Variants in ANO4 observed in about 807,000 individuals in gnomAD.
ANO4 encodes the protein anoctamin 4.
A neutral mutation model predicts 141.9 loss-of-function variants in ANO4; 69 were observed. The ratio of observed to expected loss-of-function variants is 0.49; its 90% CI spans 0.40 to 0.59. The LOEUF (loss-of-function observed/expected upper bound fraction) is 0.59. ANO4 is among the 20% of genes least tolerant of loss of function. The pLI, the probability that ANO4 is intolerant of heterozygous loss-of-function variation, is 0.00. For synonymous variants in ANO4, 350 were observed against 394.3 expected (o/e 0.89, Z 1.33); for missense variants, 894 against 1,162.2 (o/e 0.77, Z 3.36).
chr12:100,970,192 TG>T (rs1206051495), intron 5 of ANO4, among the ~76,000 whole-genome samples: 1 of 152,238 alleles, frequency 6.6e-6, no homozygotes, highest in African/African-American at 2.4e-5. Flanking sequence ...CTTTTGCTTT[TG>T]CCTGGATGAC....
chr12:100,861,053 T>G (rs1347559833), intron 1 of ANO4, among the ~76,000 whole-genome samples: 1 of 152,216 alleles, frequency 6.6e-6, no homozygotes, highest in Non-Finnish European at 1.5e-5. Context: ...GAGTTGCCGC[T>G]GCTGGCTTGG....
chr12:100,887,313 T>C (rs563998176), intron 1 of ANO4, among the ~76,000 whole-genome samples: 1 of 152,338 alleles, frequency 6.6e-6, no homozygotes, highest in Non-Finnish European at 1.5e-5. Flanking sequence ...GATTGCAGAG[T>C]ATACTTTTTC....
At chr12:101,054,329 A>G (rs1263608005) in intron 14 of ANO4, among the ~76,000 whole-genome samples, 1 of 152,222 alleles carries the variant, frequency 6.6e-6, no homozygotes, top group Non-Finnish European at 1.5e-5. Flanking sequence ...AAATGATGCC[A>G]TAATATTAAT....
chr12:101,107,841 A>G (rs2050509561), intron 22 of ANO4, among the ~76,000 whole-genome samples: 2 of 152,154 alleles, frequency 1.3e-5, no homozygotes, highest in African/African-American at 4.8e-5. Context: ...GTTTGGAGGC[A>G]AAAAAGTCAG....
intron 1 of ANO4, among the ~76,000 whole-genome samples, chr12:100,894,668 G>T (rs181055694): frequency 6.6e-6 from 1 of 152,028 alleles, no homozygotes; most frequent in Non-Finnish European, 1.5e-5. Context: ...TAAACATTTT[G>T]TCAAGTGTCC....
At chr12:100,729,746 G>A (rs1351002284) in intron 1 of ANO4, among the ~76,000 whole-genome samples, 1 of 152,124 alleles carries the variant, frequency 6.6e-6, no homozygotes, top group Non-Finnish European at 1.5e-5. Context: ...AATTCCAGTA[G>A]GTAAGAATAC....
chr12:101,096,924 G>T (rs898299954), intron 19 of ANO4, among the ~76,000 whole-genome samples: 2 of 152,270 alleles, frequency 1.3e-5, no homozygotes, highest in South Asian at 4.1e-4. Context: ...TCTGGCCTCT[G>T]TCTGCACCTG....
chr12:101,046,544 C>G (rs1373129778), intron 13 of ANO4, among the ~76,000 whole-genome samples: 2 of 152,176 alleles, frequency 1.3e-5, no homozygotes, highest in Non-Finnish European at 2.9e-5. Flanking sequence ...TCCCATCTCC[C>G]CTGAGGTTTC....
At chr12:101,054,116 T>C (rs2047993824) in intron 14 of ANO4, among the ~76,000 whole-genome samples, 1 of 152,250 alleles carries the variant, frequency 6.6e-6, no homozygotes, top group Non-Finnish European at 1.5e-5. Context: ...GCTTTAGTTA[T>C]TTATAATATG....
intron 1 of ANO4, among the ~76,000 whole-genome samples, chr12:100,861,779 G>A (rs1192195464): frequency 2.0e-5 from 3 of 152,144 alleles, no homozygotes; most frequent in Admixed American, 1.3e-4. Context: ...CATTGCACAG[G>A]TGTACAAAAG....
intron 14 of ANO4, among the ~76,000 whole-genome samples, chr12:101,067,665 A>C (rs2048647338): frequency 6.6e-6 from 1 of 152,206 alleles, no homozygotes; most frequent in African/African-American, 2.4e-5. Flanking sequence ...CCTGGGTGAC[A>C]GAGTGAGACT....
At chr12:100,734,802 A>G (rs1272387326) in intron 2 of ANO4, among the ~76,000 whole-genome samples, 1 of 152,250 alleles carries the variant, frequency 6.6e-6, no homozygotes, top group Non-Finnish European at 1.5e-5. Context: ...AATTATTTTT[A>G]TTATGAGGTT....
At chr12:100,867,224 G>A (rs1431383341) in intron 1 of ANO4, among the ~76,000 whole-genome samples, 2 of 152,108 alleles carry the variant, frequency 1.3e-5, no homozygotes, top group East Asian at 1.9e-4. Flanking sequence ...CTTGCTTAAC[G>A]GTCTTCATGT....
At chr12:101,099,815 G>A (rs1253814766) in intron 22 of ANO4, 95 bp downstream of exon 22, 5 of 1,056,140 alleles carry the variant, frequency 4.7e-6, no homozygotes, top group Non-Finnish European at 6.4e-6. Context: ...AAGGTCCTCA[G>A]TGCGTAGGGA....
At chr12:100,870,488 T>A (rs2038977384) in intron 1 of ANO4, among the ~76,000 whole-genome samples, 1 of 152,176 alleles carries the variant, frequency 6.6e-6, no homozygotes, top group South Asian at 2.1e-4. Context: ...CCTTGAAACA[T>A]GACAGTTTGT....
chr12:100,807,312 A>T (rs2035119729), intron 1 of ANO4, among the ~76,000 whole-genome samples: 1 of 152,228 alleles, frequency 6.6e-6, no homozygotes, highest in South Asian at 2.1e-4. Context: ...AGTTAGAACT[A>T]TTTTTGGAGA....
At chr12:101,008,726 T>C (rs1345862049) in intron 8 of ANO4, among the ~76,000 whole-genome samples, 2 of 152,172 alleles carry the variant, frequency 1.3e-5, no homozygotes, top group African/African-American at 4.8e-5. Context: ...GCCAGTTATT[T>C]GGCAGAGTTT....
intron 1 of ANO4, among the ~76,000 whole-genome samples, chr12:100,857,503 A>G (rs1193154244): frequency 3.3e-5 from 5 of 152,148 alleles, no homozygotes; most frequent in Admixed American, 3.3e-4. Flanking sequence ...AATTACTTGC[A>G]CACGGTCACT....
chr12:100,763,455 G>A lies in ANO4; in HGVS notation c.358+23350G>A, dbSNP rs570485672. On this transcript the variant is annotated intron_variant, in intron 3 of 29. Transcript: ENST00000644049. ...CACTAAAGATCAAGTACTCCAGAGG[G>A]TATTTGATACTCAGGTAAGCAGAAT... Among the ~76,000 whole-genome samples the A allele has an allele frequency of 9.8e-5, 15 of 152,324 alleles. No individual in the cohort carries two copies. In the South Asian group the frequency reaches 2.9e-3, roughly 29 times the overall value.
Sources: gnomAD v4.1 joint callset for allele counts (sites outside exome capture counted in the v4.1 genomes callset) on GRCh38, gnomAD v4.1.1 for gene constraint, MANE v1.5 for transcripts, NCBI Gene and HGNC (gene_info 2026-07-23, HGNC 2026-07-21) for gene names.